NXPH1: variants seen among roughly 807,000 people sequenced by gnomAD.
NXPH1 encodes the protein neurexophilin-1.
Under a neutral mutation model 23.7 loss-of-function variants are expected in NXPH1, and 5 were observed. The ratio of observed to expected loss-of-function variants is 0.21; its 90% CI spans 0.11 to 0.44. The LOEUF is 0.44. Among genes scored for constraint, NXPH1 ranks in the 20% least tolerant of loss-of-function variants. The probability of loss-of-function intolerance (pLI) is 0.99; values close to 1 mark genes in which losing one functional copy is unlikely to be tolerated. For missense variants in NXPH1, 324 were observed against 321.6 expected (o/e 1.01, Z -0.06); for synonymous variants, 144 against 122.2 (o/e 1.18, Z -1.18).
At chr7:8,702,186 G>A (rs1779635083) in intron 2 of NXPH1, among the ~76,000 whole-genome samples, 1 of 151,944 alleles carries the variant, frequency 6.6e-6, no homozygotes, top group South Asian at 2.1e-4. Flanking sequence ...TCAAAGATTA[G>A]AATGGCAAGA....
chr7:8,649,260 C>A (rs549189029), intron 2 of NXPH1, among the ~76,000 whole-genome samples: 11 of 152,158 alleles, frequency 7.2e-5, no homozygotes, highest in Non-Finnish European at 1.5e-4. Context: ...TATAATTTTG[C>A]TATCTTATTT....
Position 8,683,774 on chromosome 7 carries a change from T to C in NXPH1, c.55-67234T>C, listed in dbSNP as rs13233167. ...ATCTTGTCACTTAACAAATATATATTGACACATATTATGTTCAAGACACTA... is the reference window on the plus strand; with the variant it reads ...ATCTTGTCACTTAACAAATATATATCGACACATATTATGTTCAAGACACTA... On this transcript the variant is annotated intron_variant, in intron 2 of 2. Coordinates refer to ENST00000405863, the MANE Select transcript of NXPH1 (RefSeq NM_152745.3). 5.0e-3 allele frequency among the ~76,000 whole-genome samples: 757 copies of C among 152,290 alleles called. 2 individuals carry two copies. The highest frequency in any genetic ancestry group is 9.5e-3 in the Admixed American group (145 of 15,296).
chr7:8,601,219 C>A (rs1436186246), intron 2 of NXPH1, among the ~76,000 whole-genome samples: 1 of 151,920 alleles, frequency 6.6e-6, no homozygotes, highest in African/African-American at 2.4e-5. Context: ...CAATTAGTTA[C>A]TATCATTTCT....
At chr7:8,547,202 G>A (rs1230157308) in intron 2 of NXPH1, among the ~76,000 whole-genome samples, 2 of 151,454 alleles carry the variant, frequency 1.3e-5, no homozygotes, top group African/African-American at 4.8e-5. Context: ...AGCACACAAG[G>A]TTATTGGAAG....
chr7:8,528,209 A>C (rs528097268), intron 2 of NXPH1, among the ~76,000 whole-genome samples: 1 of 152,354 alleles, frequency 6.6e-6, no homozygotes, highest in African/African-American at 2.4e-5. Flanking sequence ...TCCTCCCCTG[A>C]AGGGCAAGCT....
chr7:8,704,639 C>T (rs1161691006), intron 2 of NXPH1, among the ~76,000 whole-genome samples: 6 of 151,892 alleles, frequency 4.0e-5, no homozygotes, highest in East Asian at 1.9e-4. Flanking sequence ...GCAGGAGTAG[C>T]CAATTAGCAT....
At chr7:8,631,642 T>C (rs1390984535) in intron 2 of NXPH1, among the ~76,000 whole-genome samples, 1 of 152,196 alleles carries the variant, frequency 6.6e-6, no homozygotes, top group African/African-American at 2.4e-5. Flanking sequence ...GTTTTATTCT[T>C]AGTATGTCCA....
chr7:8,651,217 C>T (rs945888880), intron 2 of NXPH1, among the ~76,000 whole-genome samples: 11 of 71,954 alleles, frequency 1.5e-4, no homozygotes, highest in South Asian at 9.3e-4. Context: ...TGAGAATATG[C>T]GGTGTTTGGT....
chr7:8,569,900 G>C (rs1584239029), intron 2 of NXPH1, among the ~76,000 whole-genome samples: 2 of 151,834 alleles, frequency 1.3e-5, no homozygotes, highest in South Asian at 2.1e-4. Flanking sequence ...ATTCACCTCT[G>C]TCAGCCATTA....
intron 2 of NXPH1, among the ~76,000 whole-genome samples, chr7:8,621,182 G>A (rs989091375): frequency 6.6e-6 from 1 of 152,124 alleles, no homozygotes; most frequent in Admixed American, 6.5e-5. Flanking sequence ...GTCAAAAGAG[G>A]ACAAGGTGCC....
intron 2 of NXPH1, among the ~76,000 whole-genome samples, chr7:8,550,413 C>A (rs917546133): frequency 6.6e-6 from 1 of 151,562 alleles, no homozygotes; most frequent in Admixed American, 6.6e-5. Flanking sequence ...TACTATTCAA[C>A]CCTTGGGTTC....
chr7:8,516,028 C>T (rs1304741738), intron 2 of NXPH1, among the ~76,000 whole-genome samples: 1 of 152,102 alleles, frequency 6.6e-6, no homozygotes, highest in African/African-American at 2.4e-5. Context: ...TTTTCTGCCA[C>T]CAAACCTTCG....
chr7:8,548,275 T>C (rs552238924), intron 2 of NXPH1, among the ~76,000 whole-genome samples: 6 of 151,708 alleles, frequency 4.0e-5, no homozygotes, highest in South Asian at 2.1e-4. Flanking sequence ...CTACTCCTAG[T>C]GTAGCTCACT....
At chr7:8,637,566 G>C (rs1820238455) in intron 2 of NXPH1, among the ~76,000 whole-genome samples, 1 of 151,990 alleles carries the variant, frequency 6.6e-6, no homozygotes, top group African/African-American at 2.4e-5. Context: ...AGTGAGGCTG[G>C]GCTGTCCCTG....
intron 2 of NXPH1, among the ~76,000 whole-genome samples, chr7:8,705,886 G>A (rs181613748): frequency 6.6e-6 from 1 of 152,188 alleles, no homozygotes; most frequent in African/African-American, 2.4e-5. Flanking sequence ...TGGCTTTGGG[G>A]GACAACATAA....
chr7:8,710,640 G>GGTT (rs1376868557), intron 2 of NXPH1, among the ~76,000 whole-genome samples: 281 of 27,680 alleles, frequency 0.01, 100 homozygotes, highest in African/African-American at 0.026. Context: ...CAACTGTTAC[G>GGTT]TTTTTTGTTT....
chr7:8,468,490 C>A (rs975360859), intron 2 of NXPH1, among the ~76,000 whole-genome samples: 7 of 152,032 alleles, frequency 4.6e-5, no homozygotes, highest in African/African-American at 1.4e-4. Flanking sequence ...AATATAAAAT[C>A]TTTTGCTTTG....
chr7:8,705,724 A>G (rs1297640034), intron 2 of NXPH1, among the ~76,000 whole-genome samples: 1 of 152,134 alleles, frequency 6.6e-6, no homozygotes, highest in Non-Finnish European at 1.5e-5. Context: ...TGTCTCTATG[A>G]CTATTGCAAA....
intron 2 of NXPH1, among the ~76,000 whole-genome samples, chr7:8,602,869 C>T (rs1401759385): frequency 1.3e-5 from 2 of 152,006 alleles, no homozygotes; most frequent in Non-Finnish European, 2.9e-5. Flanking sequence ...CTCACTGTTG[C>T]CCAGGCTGGA....
Sources: allele counts gnomAD v4.1 joint callset (sites outside exome capture counted in the v4.1 genomes callset), GRCh38; gene constraint gnomAD v4.1.1; transcripts MANE v1.5; gene names NCBI Gene and HGNC (gene_info 2026-07-23, HGNC 2026-07-21).